The following SAMD5 variants were observed in gnomAD, a reference collection of about 807,000 sequenced individuals.
SAMD5 encodes sterile alpha motif domain-containing protein 5.
SAMD5 carries 13 observed loss-of-function variants against 11.3 expected under a neutral mutation model. The ratio of observed to expected loss-of-function variants is 1.15; its 90% CI spans 0.75 to 1.83. SAMD5 has a LOEUF of 1.83. Among genes scored for constraint, SAMD5 ranks in the 40% most tolerant of loss-of-function variants. The pLI is 0.00. For synonymous variants in SAMD5, 129 were observed against 111.3 expected, an observed-to-expected ratio of 1.16 and a Z score of -1.00; for missense variants, 255 against 239.1, an observed-to-expected ratio of 1.07 and a Z score of -0.44.
At chr6:147,666,936 T>C (rs574746657) in intron 1 of SAMD5, among the ~76,000 whole-genome samples, 1 of 152,310 alleles carries the variant, frequency 6.6e-6, no homozygotes, top group South Asian at 2.1e-4. Context: ...CTGGCAGTGC[T>C]CACCCTGAAG....
chr6:147,851,797 G>A, the SAMD5 span, among the ~76,000 whole-genome samples: 1 of 152,112 alleles, frequency 6.6e-6, no homozygotes, highest in Non-Finnish European at 1.5e-5. Context: ...TTAAATCTGG[G>A]AGCAGATGGC....
chr6:147,536,167 T>C (rs994537742), intron 1 of SAMD5, among the ~76,000 whole-genome samples: 2 of 152,140 alleles, frequency 1.3e-5, no homozygotes, highest in African/African-American at 4.8e-5. Context: ...GTATTTTTAG[T>C]GCAGACGGGA....
chr6:147,790,568 A>C, the SAMD5 span, among the ~76,000 whole-genome samples: 2 of 152,190 alleles, frequency 1.3e-5, no homozygotes, highest in African/African-American at 4.8e-5. Context: ...ATTTGACTGG[A>C]TTAACAAATA....
chr6:147,747,225 G>GT, the SAMD5 span, among the ~76,000 whole-genome samples: 1 of 152,162 alleles, frequency 6.6e-6, no homozygotes, highest in Non-Finnish European at 1.5e-5. Flanking sequence ...CCTTATCTAT[G>GT]TTTTTTGGGA....
chr6:147,746,948 C>T, the SAMD5 span, among the ~76,000 whole-genome samples: 4,440 of 151,672 alleles, frequency 0.029, 89 homozygotes, highest in African/African-American at 0.052. Context: ...GGATTTCAGG[C>T]GTTTAAGTAA....
chr6:147,944,779 G>A, the SAMD5 span, among the ~76,000 whole-genome samples: 2 of 152,178 alleles, frequency 1.3e-5, no homozygotes, highest in African/African-American at 4.8e-5. Context: ...CTGCAGGCTG[G>A]AAGTCCACGA....
At chr6:147,555,968 T>G (rs113017480) in intron 1 of SAMD5, among the ~76,000 whole-genome samples, 2 of 152,298 alleles carry the variant, frequency 1.3e-5, no homozygotes, top group African/African-American at 4.8e-5. Flanking sequence ...TAGAGAGATA[T>G]AAAGAGACAT....
the SAMD5 span, among the ~76,000 whole-genome samples, chr6:147,872,905 T>C: frequency 1.2e-3 from 187 of 152,302 alleles, no homozygotes; most frequent in African/African-American, 4.3e-3. Context: ...AGACAGGAAG[T>C]GTGTCCAATT....
At chr6:147,737,833 A>G (rs73016184), downstream of SAMD5, among the ~76,000 whole-genome samples, 25,423 of 151,828 alleles carry the variant, frequency 0.17, 2,879 homozygotes, top group African/African-American at 0.32. Context: ...ATATAAATGT[A>G]TATACTTATG....
the SAMD5 span, among the ~76,000 whole-genome samples, chr6:147,948,370 G>C: frequency 6.6e-6 from 1 of 151,624 alleles, no homozygotes; most frequent in Non-Finnish European, 1.5e-5. Flanking sequence ...TTATAATAGT[G>C]GACTCTCCCA....
chr6:147,778,575 C>A, the SAMD5 span, among the ~76,000 whole-genome samples: 23 of 152,118 alleles, frequency 1.5e-4, no homozygotes, highest in Non-Finnish European at 3.1e-4. Flanking sequence ...TTCTCTTTTC[C>A]TTTCTTTCTA....
At chr6:147,544,484 C>T (rs554882350) in intron 1 of SAMD5, among the ~76,000 whole-genome samples, 7 of 152,254 alleles carry the variant, frequency 4.6e-5, no homozygotes, top group Admixed American at 1.3e-4. Flanking sequence ...CTCAGAATGG[C>T]TTGGTGGATT....
At chr6:147,788,550 G>T in the SAMD5 span, among the ~76,000 whole-genome samples, 2 of 152,170 alleles carry the variant, frequency 1.3e-5, no homozygotes, top group South Asian at 4.1e-4. Flanking sequence ...ACCTGCAAGA[G>T]TTGATGCTTT....
chr6:147,774,451 G>T, the SAMD5 span, among the ~76,000 whole-genome samples: 48 of 152,008 alleles, frequency 3.2e-4, no homozygotes, highest in Non-Finnish European at 1.2e-4. Flanking sequence ...TATATAAAAT[G>T]GCATGGTATT....
At chr6:147,812,393 G>A in the SAMD5 span, among the ~76,000 whole-genome samples, 5 of 151,992 alleles carry the variant, frequency 3.3e-5, 1 homozygote, top group East Asian at 1.9e-4. Context: ...GTGTCTCTCC[G>A]TGTGTAGTAT....
intron 1 of SAMD5, among the ~76,000 whole-genome samples, chr6:147,616,188 TTTCATATATATTTATTCATATATAC>T (rs1562334282): frequency 8.3e-5 from 9 of 109,078 alleles, no homozygotes; most frequent in South Asian, 2.8e-4. Flanking sequence ...TTCATATATA[TTTCATATATATTTATTCATATATAC>T]TTCATATATA....
the SAMD5 span, among the ~76,000 whole-genome samples, chr6:147,877,889 A>ACACACACAC: frequency 2.0e-4 from 15 of 76,814 alleles, no homozygotes; most frequent in African/African-American, 6.2e-4. Flanking sequence ...CACGATAGAT[A>ACACACACAC]GATAGCTAGA....
At position 147,567,280 on chromosome 6, in the gene SAMD5, C is replaced by G. The variant is rs1239743864; in HGVS notation, c.*2824C>G. The stretch of plus-strand genomic sequence containing the variant: ...ATAGCAACAAAGGATAGTAGTTTCT[C>G]AACTGGGAGCATACGAGCAATTTCT... On this transcript the variant is annotated 3_prime_UTR_variant, in exon 2 of 2. Coordinates refer to ENST00000367474, the MANE Select transcript of SAMD5 (RefSeq NM_001030060.3). 1.0e-6 allele frequency: 1 copy of G among 985,016 alleles called. No individual in the cohort carries two copies. Among genetic ancestry groups the G allele is most frequent in the Non-Finnish European group, 1.2e-6 (1 of 829,680 alleles). The allele number at this position is 985,016 out of a possible 1,614,324, so 61.0% of individuals were successfully genotyped here.
At chr6:147,902,740 C>T in the SAMD5 span, among the ~76,000 whole-genome samples, 1 of 152,206 alleles carries the variant, frequency 6.6e-6, no homozygotes, top group Non-Finnish European at 1.5e-5. Context: ...AATCATTCTT[C>T]AAAGAGTGGC....
Sources: gnomAD v4.1 joint callset for allele counts (sites outside exome capture counted in the v4.1 genomes callset) on GRCh38, gnomAD v4.1.1 for gene constraint, MANE v1.5 for transcripts, NCBI Gene and HGNC (gene_info 2026-07-23, HGNC 2026-07-21) for gene names.